Variants in WDPCP observed in about 807,000 individuals in gnomAD.
WDPCP encodes the protein WD repeat-containing and planar cell polarity effector protein fritz homolog.
In WDPCP, 71 loss-of-function variants were observed where a neutral mutation model predicts 93.1. That is an observed-to-expected ratio of 0.76 (90% confidence interval 0.63 to 0.93). The LOEUF is 0.93. WDPCP is among the 40% of genes least tolerant of loss of function. WDPCP has a pLI of 0.00. For missense variants in WDPCP, 844 were observed against 887.4 expected, an observed-to-expected ratio of 0.95 and a Z score of 0.62; for synonymous variants, 315 against 315.0, an observed-to-expected ratio of 1.00 and a Z score of 0.00.
At position 63,575,381 on chromosome 2, in the gene WDPCP, A is replaced by G. The variant is rs202217410; in HGVS notation, c.75+12816T>C. On this transcript the variant is annotated intron_variant, in intron 1 of 17. Coordinates refer to ENST00000272321, the MANE Select transcript of WDPCP (RefSeq NM_015910.7). Reference sequence around the variant, plus strand: ...ATACAGTATATACAGTATATACAGTATATACACGGTATATACAGTATATAT... The same window carrying G: ...ATACAGTATATACAGTATATACAGTGTATACACGGTATATACAGTATATAT... Among the ~76,000 whole-genome samples the G allele has an allele frequency of 3.8e-4, 34 of 89,472 alleles. 1 individual carries two copies. Among genetic ancestry groups the G allele is most frequent in the East Asian group, 2.9e-3 (7 of 2,444 alleles). 58.7% of individuals were successfully genotyped at this position (89,472 alleles called of 152,430 possible). A position where few individuals can be genotyped will look rare whatever the true frequency, so the allele number is the denominator to read the frequency against.
At chr2:63,197,344 T>G (rs1374174315) in intron 14 of WDPCP, among the ~76,000 whole-genome samples, 4 of 152,376 alleles carry the variant, frequency 2.6e-5, no homozygotes, top group Admixed American at 2.6e-4. Flanking sequence ...GTTAATTGAT[T>G]GCTTATGCTA....
At chr2:63,461,621 T>C (rs1575465000) in intron 6 of WDPCP, among the ~76,000 whole-genome samples, 1 of 151,956 alleles carries the variant, frequency 6.6e-6, no homozygotes, top group Non-Finnish European at 1.5e-5. Flanking sequence ...TAAAAAAGAG[T>C]GCAGTAAGGG....
rs192318157 is a variant in WDPCP, at chr2:63,261,761, T to A, written c.1813-2352A>T. Among the ~76,000 whole-genome samples the A allele has an allele frequency of 9.2e-5, 14 of 152,342 alleles. No homozygotes were observed. In the East Asian group the frequency reaches 2.3e-3, roughly 25 times the overall value. ...CCTACATGATAACTTCAGTTTTGCCTCTTGGCTCACAAATCTCTAATATTT... is the reference window on the plus strand; with the variant it reads ...CCTACATGATAACTTCAGTTTTGCCACTTGGCTCACAAATCTCTAATATTT... On this transcript the variant is annotated intron_variant, in intron 13 of 17. Coordinates refer to ENST00000272321, the MANE Select transcript of WDPCP (RefSeq NM_015910.7).
intron 12 of WDPCP, among the ~76,000 whole-genome samples, chr2:63,371,461 T>G (rs1251593981): frequency 6.6e-6 from 1 of 152,110 alleles, no homozygotes; most frequent in Non-Finnish European, 1.5e-5. Context: ...AGTTCCCCTA[T>G]TATTCAAGAG....
intron 1 of WDPCP, among the ~76,000 whole-genome samples, chr2:63,573,304 C>A (rs1175256286): frequency 6.6e-6 from 1 of 151,772 alleles, no homozygotes; most frequent in Non-Finnish European, 1.5e-5. Context: ...TCCCTCATTG[C>A]AACTTGTTGT....
chr2:63,372,167 ATGTT>A (rs1691452526), intron 12 of WDPCP, among the ~76,000 whole-genome samples: 1 of 152,062 alleles, frequency 6.6e-6, no homozygotes, highest in Non-Finnish European at 1.5e-5. Flanking sequence ...AGAGCCACCA[ATGTT>A]TAACCAACCA....
At chr2:63,416,242 C>T (rs903796649) in intron 9 of WDPCP, among the ~76,000 whole-genome samples, 5 of 151,798 alleles carry the variant, frequency 3.3e-5, no homozygotes, top group Non-Finnish European at 7.4e-5. Context: ...CTCTGTCACC[C>T]AGACTGGAGT....
chr2:63,163,287 T>C (rs1672751707), intron 15 of WDPCP, among the ~76,000 whole-genome samples: 1 of 152,214 alleles, frequency 6.6e-6, no homozygotes, highest in Non-Finnish European at 1.5e-5. Flanking sequence ...AAATTGATTA[T>C]ACCCTTTCAT....
chr2:63,738,022 A>G (rs1175514634), intron 2 of WDPCP, among the ~76,000 whole-genome samples: 2 of 152,170 alleles, frequency 1.3e-5, no homozygotes, highest in Admixed American at 6.5e-5. Context: ...CAGCATTTCT[A>G]ATTCCATGGC....
At chr2:63,497,412 A>T (rs893658488) in intron 1 of WDPCP, among the ~76,000 whole-genome samples, 6 of 152,116 alleles carry the variant, frequency 3.9e-5, no homozygotes, top group Non-Finnish European at 7.4e-5. Context: ...GTGATTAAGG[A>T]GGGGGCTTTG....
chr2:63,650,218 G>A (rs1280211249), intron 3 of WDPCP, among the ~76,000 whole-genome samples: 1 of 152,206 alleles, frequency 6.6e-6, no homozygotes. Context: ...TCAGTCACCT[G>A]GAGGACTTAT....
At chr2:63,476,623 T>C (rs997102918) in intron 6 of WDPCP, among the ~76,000 whole-genome samples, 1 of 152,188 alleles carries the variant, frequency 6.6e-6, no homozygotes, top group Admixed American at 6.6e-5. Context: ...ACCCAGTCCA[T>C]GCCTTATATT....
intron 15 of WDPCP, among the ~76,000 whole-genome samples, chr2:63,173,112 T>TA (rs1473684519): frequency 6.6e-6 from 1 of 151,338 alleles, no homozygotes; most frequent in Non-Finnish European, 1.5e-5. Flanking sequence ...AAATAAAAAA[T>TA]AAAAAATTAG....
intron 14 of WDPCP, among the ~76,000 whole-genome samples, chr2:63,207,072 T>C (rs534392953): frequency 1.3e-5 from 2 of 152,210 alleles, no homozygotes; most frequent in Non-Finnish European, 2.9e-5. Flanking sequence ...TGGAATCATA[T>C]AGTATTTACC....
At chr2:63,174,954 A>T in intron 14 of WDPCP, 122 bp from the exon 15 acceptor site, 1 of 1,093,104 alleles carries the variant, frequency 9.1e-7, no homozygotes, top group Non-Finnish European at 1.4e-6. Context: ...TGTCAATTTC[A>T]AAATCTTGTT....
intron 2 of WDPCP, among the ~76,000 whole-genome samples, chr2:63,685,215 G>A (rs894263487): frequency 6.6e-6 from 1 of 152,086 alleles, no homozygotes; most frequent in Non-Finnish European, 1.5e-5. Flanking sequence ...CCCTTAGGCA[G>A]ACTAAGAAAA....
chr2:63,170,982 C>T (rs6545978), intron 15 of WDPCP, among the ~76,000 whole-genome samples: 134,450 of 151,414 alleles, frequency 0.89, 59,854 homozygotes, highest in South Asian at 0.94. Flanking sequence ...AGTTTTTTTT[C>T]TTCCTCAAAA....
chr2:63,437,888 T>C (rs776980240), intron 7 of WDPCP: 3 of 1,595,906 alleles, frequency 1.9e-6, no homozygotes, highest in Non-Finnish European at 2.6e-6. Flanking sequence ...AAACATTCCA[T>C]TTTATTTGTG....
chr2:63,607,398 G>T (rs988765015), intron 3 of WDPCP, among the ~76,000 whole-genome samples: 1 of 151,926 alleles, frequency 6.6e-6, no homozygotes, highest in East Asian at 1.9e-4. Flanking sequence ...TTAGCCAGGC[G>T]TGGTGGCACA....
Sources: gnomAD v4.1 joint callset for allele counts (sites outside exome capture counted in the v4.1 genomes callset) on GRCh38, gnomAD v4.1.1 for gene constraint, MANE v1.5 for transcripts, NCBI Gene and HGNC (gene_info 2026-07-23, HGNC 2026-07-21) for gene names.